GSN: variants seen among roughly 807,000 people sequenced by gnomAD.
The protein encoded by GSN is gelsolin.
A neutral mutation model predicts 85.7 loss-of-function variants in GSN; 56 were observed. The observed-to-expected ratio is 0.65, with a 90% confidence interval of 0.53 to 0.82. GSN has a LOEUF of 0.82. Ranked by LOEUF, GSN falls within the 40% of genes least tolerant of loss-of-function variation. The pLI is 0.00. For missense variants in GSN, 857 were observed against 979.8 expected (o/e 0.87, Z 1.67); for synonymous variants, 373 against 399.1 (o/e 0.93, Z 0.78).
chr9:121,251,972 A>G (rs1308430712), intron 6 of GSN, among the ~76,000 whole-genome samples: 1 of 152,180 alleles, frequency 6.6e-6, no homozygotes, highest in Non-Finnish European at 1.5e-5. Context: ...CAAAACAAAC[A>G]AACAAACAAA....
chr9:121,302,033 G>T lies in GSN; in HGVS notation c.62G>T (p.Arg21Leu). The part of the protein sequence containing the change: ...AGKEPGLQIW[R>L]VEKFDLVPVP... ...AAGGAGCCTGGCCTGCAGATCTGGC[G>T]TGTGGAGAAGTTCGATCTGGTGCCC... The change falls in exon 3 of 18, where the codon CGT becomes CTT. Residue 21 changes from arginine (R) to leucine (L), a missense_variant. By Grantham distance (102) the Arg-to-Leu change is moderately radical. Coordinates refer to ENST00000432226, the MANE Select transcript of GSN (RefSeq NM_198252.3). 6.2e-7 allele frequency: 1 copy of T among 1,614,260 alleles called. No homozygotes were observed. Among genetic ancestry groups the T allele is most frequent in the South Asian group, 1.1e-5 (1 of 91,090 alleles).
At chr9:121,228,124 C>CT (rs2054305140) in intron 4 of GSN, among the ~76,000 whole-genome samples, 1 of 152,024 alleles carries the variant, frequency 6.6e-6, no homozygotes, top group African/African-American at 2.4e-5. Context: ...TTTCCCATCT[C>CT]TGATATTTAT....
upstream of GSN, among the ~76,000 whole-genome samples, chr9:121,266,165 A>G (rs2055194934): frequency 6.6e-6 from 1 of 152,212 alleles, no homozygotes. Flanking sequence ...GATCTAGCTT[A>G]GAATGTGAAC....
chr9:121,289,683 G>A (rs1389740233), intron 2 of GSN, among the ~76,000 whole-genome samples: 2 of 152,174 alleles, frequency 1.3e-5, no homozygotes, highest in African/African-American at 4.8e-5. Flanking sequence ...GCCCAGAGAG[G>A]CAAAGAACTT....
intron 2 of GSN, among the ~76,000 whole-genome samples, chr9:121,290,500 G>A (rs994298040): frequency 1.3e-5 from 2 of 152,286 alleles, no homozygotes; most frequent in South Asian, 4.1e-4. Context: ...AAAAGTTTTA[G>A]ATAAATTGTG....
chr9:121,282,890 G>A (rs1028195899), intron 2 of GSN: 1 of 226,808 alleles, frequency 4.4e-6, no homozygotes, highest in African/African-American at 2.3e-5. Context: ...GGCTGGCATA[G>A]ACCCAGCTGA....
chr9:121,259,462 CA>C (rs2055034168), intron 6 of GSN, among the ~76,000 whole-genome samples: 1 of 152,092 alleles, frequency 6.6e-6, no homozygotes, highest in Non-Finnish European at 1.5e-5. Context: ...GAGAGTTAAA[CA>C]GGGGGAAAGT....
chr9:121,286,998 A>T (rs537707648), intron 2 of GSN, among the ~76,000 whole-genome samples: 60 of 152,278 alleles, frequency 3.9e-4, no homozygotes, highest in Non-Finnish European at 5.9e-4. Flanking sequence ...TTATTTGCAG[A>T]TGGGGACGTT....
At chr9:121,241,559 T>C (rs2054605664) in intron 5 of GSN, among the ~76,000 whole-genome samples, 1 of 152,226 alleles carries the variant, frequency 6.6e-6, no homozygotes, top group Non-Finnish European at 1.5e-5. Flanking sequence ...TAATCCTATC[T>C]TTCTGCTTAA....
rs1030643451 is a variant in GSN, at chr9:121,290,958, C to T, written c.-10+9396C>T. On this transcript the variant is annotated intron_variant, in intron 2 of 17. Transcript: ENST00000432226. ...TCCCAAAGTGCTGGGATTACAGGCA[C>T]AAGCTCTCTACACTTGTTCATTCCA... Among the ~76,000 whole-genome samples the T allele has an allele frequency of 3.3e-5, 5 of 151,964 alleles. No individual in the cohort carries two copies. The South Asian group carries it at 8.3e-4, about 25-fold the overall frequency.
upstream of GSN, among the ~76,000 whole-genome samples, chr9:121,263,169 T>TTA (rs2055122186): frequency 6.6e-6 from 1 of 152,116 alleles, no homozygotes; most frequent in Non-Finnish European, 1.5e-5. Flanking sequence ...AAACCCTGAT[T>TTA]TATAGCCTTT....
chr9:121,312,959 CCT>C (rs2061338505), intron 6 of GSN: 1 of 161,642 alleles, frequency 6.2e-6, no homozygotes, highest in Admixed American at 6.0e-5. Context: ...TTCCATCAAA[CCT>C]GATCACTTTA....
chr9:121,256,319 T>A (rs1160364096), intron 6 of GSN, among the ~76,000 whole-genome samples: 1 of 152,206 alleles, frequency 6.6e-6, no homozygotes, highest in Non-Finnish European at 1.5e-5. Context: ...AAACGTGATG[T>A]ATATATGCAC....
intron 6 of GSN, among the ~76,000 whole-genome samples, chr9:121,257,140 A>T (rs746543852): frequency 3.1e-4 from 47 of 151,966 alleles, no homozygotes; most frequent in Non-Finnish European, 6.3e-4. Flanking sequence ...TTTATCAATT[A>T]AAAAAAAGAG....
At chr9:121,302,659 C>T (rs558736550) in intron 3 of GSN, among the ~76,000 whole-genome samples, 1 of 152,226 alleles carries the variant, frequency 6.6e-6, no homozygotes, top group African/African-American at 2.4e-5. Flanking sequence ...TGCTCCCAGT[C>T]CTGAGTTTAC....
At chr9:121,248,484 C>G (rs1281431648) in intron 6 of GSN, among the ~76,000 whole-genome samples, 2 of 152,028 alleles carry the variant, frequency 1.3e-5, no homozygotes, top group Non-Finnish European at 2.9e-5. Flanking sequence ...CATCTCGTCC[C>G]TCCTTCCTTC....
intron 4 of GSN, among the ~76,000 whole-genome samples, chr9:121,308,123 G>A (rs2060622552): frequency 1.3e-5 from 2 of 152,204 alleles, no homozygotes; most frequent in Admixed American, 1.3e-4. Context: ...CCACACCGAG[G>A]TCAGTCATAG....
chr9:121,298,484 G>C (rs924532595), intron 2 of GSN, among the ~76,000 whole-genome samples: 2 of 152,190 alleles, frequency 1.3e-5, no homozygotes, highest in African/African-American at 4.8e-5. Context: ...TCATTAGATA[G>C]AGGCTGGACT....
Position 121,256,379 on chromosome 9 carries a change from A to C in GSN, c.-341+8056A>C, listed in dbSNP as rs566647512. On this transcript the variant is annotated intron_variant, in intron 6 of 24. Transcript: ENST00000373823. ...AGAATGAAATTTTGTCATTTGCAGCAACATGGGTGGAACTGAAAGTCATTA... is the reference window on the plus strand; with the variant it reads ...AGAATGAAATTTTGTCATTTGCAGCCACATGGGTGGAACTGAAAGTCATTA... 8.5e-5 allele frequency among the ~76,000 whole-genome samples: 13 copies of C among 152,300 alleles called. No homozygotes were observed. The South Asian group carries it at 2.5e-3, about 29-fold the overall frequency.
Sources: allele counts gnomAD v4.1 joint callset (sites outside exome capture counted in the v4.1 genomes callset), GRCh38; gene constraint gnomAD v4.1.1; transcripts MANE v1.5; gene names NCBI Gene and HGNC (gene_info 2026-07-23, HGNC 2026-07-21).